TMEM184B: variants seen among roughly 807,000 people sequenced by gnomAD.
TMEM184B encodes putative MAPK-activating protein FM08.
Under a neutral mutation model 41.8 loss-of-function variants are expected in TMEM184B, and 17 were observed. The ratio of observed to expected loss-of-function variants is 0.41; its 90% CI spans 0.28 to 0.61. The LOEUF (loss-of-function observed/expected upper bound fraction) is 0.61. Ranked by LOEUF, TMEM184B falls within the 20% of genes least tolerant of loss-of-function variation. TMEM184B has a pLI of 0.34. For synonymous variants in TMEM184B, 240 were observed against 229.5 expected (o/e 1.05, Z -0.41); for missense variants, 393 against 557.8 (o/e 0.70, Z 2.98).
At chr22:38,255,270 C>T (rs1042609857) in intron 1 of TMEM184B, among the ~76,000 whole-genome samples, 14 of 152,148 alleles carry the variant, frequency 9.2e-5, no homozygotes, top group Admixed American at 7.9e-4. Flanking sequence ...GTGATCCGCC[C>T]GCCTCAGCCT....
At position 38,221,775 on chromosome 22, in the gene TMEM184B, C is replaced by T. The variant is rs2091268074; in HGVS notation, c.983-65G>A. On this transcript the variant is annotated intron_variant, in intron 8 of 8. Coordinates refer to ENST00000361906, the MANE Select transcript of TMEM184B (RefSeq NM_012264.5). ...GGACGGTGAGAGGGAGGTGGCTCAG[C>T]CCCTGCCCGTGATCCTGGGACAGAC... The T allele has an allele frequency of 4.2e-5, 66 of 1,582,044 alleles. No individual in the cohort carries two copies. The East Asian group carries it at 1.4e-3, about 34-fold the overall frequency.
rs2091212538 is a variant in TMEM184B at position 38,219,873 on chromosome 22, TGGCCTCTGGCACCCACATGCA to T, written c.*1575_*1595del. ...CCCCCCCAAGATGGAGGGGGAGAGC[TGGCCTCTGGCACCCACATGCA>T]GGCCTCTGCCACGAGGAAAGGAAGG... On this transcript the variant is annotated 3_prime_UTR_variant, in exon 9 of 9. Transcript: ENST00000361906. 1 of 984,502 alleles carries T rather than the reference TGGCCTCTGGCACCCACATGCA, an allele frequency of 1.0e-6. No individual in the cohort carries two copies. The highest frequency in any genetic ancestry group is 4.7e-5 in the South Asian group (1 of 21,250). 61.0% of individuals were successfully genotyped at this position (984,502 alleles called of 1,614,324 possible). A position where few individuals can be genotyped will look rare whatever the true frequency, so the allele number is the denominator to read the frequency against.
chr22:38,262,401 C>T (rs569189961), intron 1 of TMEM184B, among the ~76,000 whole-genome samples: 83 of 152,282 alleles, frequency 5.5e-4, no homozygotes, highest in African/African-American at 2.0e-3. Context: ...CAGACAGGAC[C>T]TGGGCACGTG....
chr22:38,230,690 T>A lies in TMEM184B; in HGVS notation c.504A>T (p.Gly168=). The A allele has an allele frequency of 6.2e-7, 1 of 1,611,984 alleles. No individual in the cohort carries two copies. The highest frequency in any genetic ancestry group is 8.5e-7 in the Non-Finnish European group (1 of 1,179,272). ...CCLWGKTYSI[G]FLRFCKQATL... The stretch of plus-strand genomic sequence containing the variant: ...ACACCTGTTTGCAGAACCTCAGAAA[T>A]CCGATGGAATAAGTCTTTCCCCAGA... The change falls in exon 5 of 9, where the codon GGA becomes GGT. Residue 168 remains glycine (G), a synonymous_variant. Transcript: ENST00000361906.
chr22:38,272,649 G>A (rs1368450222), intron 1 of TMEM184B: 5 of 985,424 alleles, frequency 5.1e-6, no homozygotes, highest in Non-Finnish European at 6.0e-6. Context: ...GGCGTGGAAA[G>A]GGAGCGGGCA....
At chr22:38,218,342 T>C (rs185815943), downstream of TMEM184B, among the ~76,000 whole-genome samples, 2 of 152,290 alleles carry the variant, frequency 1.3e-5, no homozygotes, top group East Asian at 3.9e-4. Context: ...TTCTTAGCTG[T>C]GGGATCTTTG....
intron 3 of TMEM184B, among the ~76,000 whole-genome samples, chr22:38,234,309 C>T (rs1200488016): frequency 6.6e-6 from 1 of 152,198 alleles, no homozygotes; most frequent in Non-Finnish European, 1.5e-5. Flanking sequence ...CCTTTGGAGA[C>T]ACCGCACAGA....
chr22:38,242,042 GAA>G (rs2091921857), intron 3 of TMEM184B, among the ~76,000 whole-genome samples: 1 of 152,052 alleles, frequency 6.6e-6, no homozygotes, highest in Non-Finnish European at 1.5e-5. Flanking sequence ...GAAAACAGCT[GAA>G]AGAGTTGAAA....
chr22:38,237,035 C>G (rs1317098740), intron 3 of TMEM184B, among the ~76,000 whole-genome samples: 1 of 152,148 alleles, frequency 6.6e-6, no homozygotes, highest in Non-Finnish European at 1.5e-5. Context: ...GGCCTTCTTT[C>G]CTATTGGCAG....
chr22:38,218,111 G>A (rs1602342035), downstream of TMEM184B, among the ~76,000 whole-genome samples: 1 of 152,186 alleles, frequency 6.6e-6, no homozygotes, highest in East Asian at 1.9e-4. Flanking sequence ...CAGCCAAGTG[G>A]AAACTATCTT....
chr22:38,257,316 C>T (rs117983033), intron 1 of TMEM184B, among the ~76,000 whole-genome samples: 1,990 of 152,134 alleles, frequency 0.013, 33 homozygotes, highest in Non-Finnish European at 0.019. Flanking sequence ...TTTACAAAAA[C>T]GTGATTGGCA....
chr22:38,249,155 T>C (rs2092106698), intron 1 of TMEM184B, among the ~76,000 whole-genome samples: 1 of 152,040 alleles, frequency 6.6e-6, no homozygotes, highest in South Asian at 2.1e-4. Context: ...CTTAACTTGA[T>C]TATTATTATT....
At chr22:38,233,141 G>A (rs1047062304) in intron 3 of TMEM184B, among the ~76,000 whole-genome samples, 1 of 152,200 alleles carries the variant, frequency 6.6e-6, no homozygotes, top group Non-Finnish European at 1.5e-5. Context: ...GGCCTTCAGC[G>A]ATTTGGAAAG....
In TMEM184B at chr22:38,221,250, C is replaced by T. The variant is rs1425882162; in HGVS notation, c.*219G>A. On this transcript the variant is annotated 3_prime_UTR_variant, in exon 9 of 9. Transcript: ENST00000361906. ...CCAGTGTCCTCTGCCCTCGCCCGGG[C>T]AGTGCAGGCTGGGCCATGTATAAAT... is the stretch of plus-strand genomic sequence containing the variant. The T allele has an allele frequency of 2.1e-6, 3 of 1,408,238 alleles. No homozygotes were observed. Among genetic ancestry groups the T allele is most frequent in the African/African-American group, 1.5e-5 (1 of 68,942 alleles). The allele number at this position is 1,408,238 out of a possible 1,614,324, so 87.2% of individuals were successfully genotyped here.
rs761447689 is a variant in TMEM184B at position 38,225,927 on chromosome 22, A to G, written c.618-334T>C. Reference sequence around the variant, plus strand: ...ACACTCAGATAACAGGCGTCAAAATAGGTGACGCTGCTCAGCTCTGCTGCC... The same window carrying G: ...ACACTCAGATAACAGGCGTCAAAATGGGTGACGCTGCTCAGCTCTGCTGCC... On this transcript the variant is annotated intron_variant, in intron 6 of 8. Coordinates refer to ENST00000361906, the MANE Select transcript of TMEM184B (RefSeq NM_012264.5). The surrounding 1 kb of genome is among the most constrained non-coding windows in gnomAD (Gnocchi z 4.4). Among the ~76,000 whole-genome samples the G allele has an allele frequency of 6.6e-6, 1 of 151,990 alleles. No individual in the cohort carries two copies. The highest frequency in any genetic ancestry group is 1.5e-5 in the Non-Finnish European group (1 of 67,980).
Position 38,219,293 on chromosome 22 carries a change from G to T in TMEM184B, c.*2176C>A, listed in dbSNP as rs972123102. Reference sequence around the variant, plus strand: ...AGGAAAAACCTCACCCACAGGCAGAGATTTCAATACAATCTATATTATCTC... The same window carrying T: ...AGGAAAAACCTCACCCACAGGCAGATATTTCAATACAATCTATATTATCTC... On this transcript the variant is annotated 3_prime_UTR_variant, in exon 9 of 9. Coordinates refer to ENST00000361906, the MANE Select transcript of TMEM184B (RefSeq NM_012264.5). The T allele has an allele frequency of 4.1e-6, 4 of 985,544 alleles. No individual in the cohort carries two copies. Among genetic ancestry groups the T allele is most frequent in the Non-Finnish European group, 4.8e-6 (4 of 829,950 alleles). The allele number at this position is 985,544 out of a possible 1,614,324, so 61.0% of individuals were successfully genotyped here. A position where few individuals can be genotyped will look rare whatever the true frequency, so the allele number is the denominator to read the frequency against.
Position 38,243,048 on chromosome 22 carries a change from C to CAAA in TMEM184B, c.358+2884_358+2886dup, listed in dbSNP as rs11394732. On this transcript the variant is annotated intron_variant, in intron 3 of 8. Transcript: ENST00000361906. ...CTGCACTCCAGCCTGGCAACGGTCTCAAAAAAAAAAAAAAAAAAAAGCTGG... is the reference window on the plus strand; with the variant it reads ...CTGCACTCCAGCCTGGCAACGGTCTCAAAAAAAAAAAAAAAAAAAAAAAGCTGG... Among the ~76,000 whole-genome samples the CAAA allele has an allele frequency of 2.5e-3, 214 of 84,366 alleles. 5 individuals carry two copies. The highest frequency in any genetic ancestry group is 4.5e-3 in the East Asian group (13 of 2,880). 55.3% of individuals were successfully genotyped at this position (84,366 alleles called of 152,430 possible).
At chr22:38,244,752 A>G (rs939196244) in intron 3 of TMEM184B, among the ~76,000 whole-genome samples, 15 of 152,180 alleles carry the variant, frequency 9.9e-5, no homozygotes, top group African/African-American at 3.6e-4. Context: ...CACTGCACCC[A>G]GCCCAATGCA....
chr22:38,218,654 C>T (rs929476134), downstream of TMEM184B, among the ~76,000 whole-genome samples: 1 of 152,156 alleles, frequency 6.6e-6, no homozygotes, highest in African/African-American at 2.4e-5. Context: ...CAGGTTGGGG[C>T]TCGGTGCTTT....
Sources: gnomAD v4.1 joint callset for allele counts (sites outside exome capture counted in the v4.1 genomes callset) on GRCh38, gnomAD v4.1.1 for gene constraint, Gnocchi (gnomAD v3.1) non-coding constraint, MANE v1.5 for transcripts, NCBI Gene and HGNC (gene_info 2026-07-23, HGNC 2026-07-21) for gene names.